The following NSD3 variants were observed in gnomAD, a reference collection of about 807,000 sequenced individuals.
NSD3 encodes the protein nuclear receptor binding SET domain protein 3, also known as histone-lysine N-methyltransferase NSD3.
A neutral mutation model predicts 160.8 loss-of-function variants in NSD3; 24 were observed. The observed-to-expected ratio is 0.15, with a 90% CI of 0.11 to 0.21. The LOEUF (loss-of-function observed/expected upper bound fraction) is 0.21. Among genes scored for constraint, NSD3 ranks in the 10% least tolerant of loss-of-function variants. NSD3 has a pLI of 1.00. For missense variants in NSD3, 1,157 were observed against 1,735.9 expected (o/e 0.67, Z 5.93); for synonymous variants, 520 against 600.0 (o/e 0.87, Z 1.95).
At position 38,299,550 on chromosome 8, in the gene NSD3, T is replaced by G. The variant is rs769090428; in HGVS notation, c.2652A>C (p.Ser884=). Residue 884 remains serine, a synonymous_variant, in exon 15 of 24, where the codon TCA becomes TCC. Transcript: ENST00000317025. ...VQDHSDPMFS[S]YAYKSHYLLN... is the part of the protein sequence containing the mutation. ...GTAGGTAGTGGGACTTATAGGCATA[T>G]GAACTGAACATGGGGTCTGAATGGT... The G allele has an allele frequency of 1.1e-5, 18 of 1,613,492 alleles. No homozygotes were observed. Among genetic ancestry groups the G allele is most frequent in the Non-Finnish European group, 1.5e-5 (18 of 1,179,714 alleles).
chr8:38,314,605 T>C (rs1379974842), intron 12 of NSD3, 42 bp downstream of exon 12: 1 of 1,612,582 alleles, frequency 6.2e-7, no homozygotes, highest in South Asian at 1.1e-5. Flanking sequence ...CCTGGCACAA[T>C]CCCATTCATC....
At chr8:38,299,265 T>C (rs1809227879) in intron 15 of NSD3, among the ~76,000 whole-genome samples, 179 bp downstream of exon 15, 1 of 152,148 alleles carries the variant, frequency 6.6e-6, no homozygotes, top group African/African-American at 2.4e-5. Context: ...ACAATGGAAT[T>C]ATTTTAAGCC....
intron 1 of NSD3, among the ~76,000 whole-genome samples, chr8:38,364,416 T>G (rs1033565330): frequency 6.6e-6 from 1 of 152,200 alleles, no homozygotes; most frequent in African/African-American, 2.4e-5. Flanking sequence ...AGCCATTAGA[T>G]TTTAATTGCT....
intron 1 of NSD3, among the ~76,000 whole-genome samples, chr8:38,366,765 A>G (rs1314833642): frequency 6.6e-6 from 1 of 152,150 alleles, no homozygotes; most frequent in Non-Finnish European, 1.5e-5. Flanking sequence ...TGGGCTAACC[A>G]CACGTAGCTA....
At chr8:38,328,799 C>T (rs527308858) in intron 6 of NSD3, among the ~76,000 whole-genome samples, 1 of 152,270 alleles carries the variant, frequency 6.6e-6, no homozygotes, top group South Asian at 2.1e-4. Context: ...CCAGGACAAA[C>T]TGATGAAGGC....
intron 1 of NSD3, among the ~76,000 whole-genome samples, chr8:38,379,999 G>A (rs1811495598): frequency 6.6e-6 from 1 of 152,172 alleles, no homozygotes; most frequent in East Asian, 1.9e-4. Context: ...AGTTTCCTGA[G>A]AGTCAACTGA....
intron 12 of NSD3, among the ~76,000 whole-genome samples, chr8:38,312,299 A>G (rs1405325432): frequency 4.6e-5 from 7 of 152,090 alleles, no homozygotes; most frequent in Non-Finnish European, 2.9e-5. Context: ...CCCATACTTA[A>G]CTGTTTTTAA....
chr8:38,356,422 G>A (rs1810825448), intron 1 of NSD3, among the ~76,000 whole-genome samples: 1 of 152,002 alleles, frequency 6.6e-6, no homozygotes, highest in African/African-American at 2.4e-5. Flanking sequence ...AACAAAAACA[G>A]GAAAAGAAAT....
intron 2 of NSD3, among the ~76,000 whole-genome samples, chr8:38,342,235 C>G (rs776178653): frequency 6.6e-6 from 1 of 152,080 alleles, no homozygotes; most frequent in Non-Finnish European, 1.5e-5. Context: ...GAGGGAGTAT[C>G]TATTATAAAA....
intron 4 of NSD3, among the ~76,000 whole-genome samples, chr8:38,333,007 A>G (rs1227202270): frequency 1.3e-5 from 2 of 152,184 alleles, no homozygotes; most frequent in African/African-American, 4.8e-5. Flanking sequence ...TCTAATTATA[A>G]TTAGTCAAAG....
chr8:38,294,152 C>T (rs1207366936), intron 16 of NSD3, among the ~76,000 whole-genome samples: 1 of 152,038 alleles, frequency 6.6e-6, no homozygotes, highest in Non-Finnish European at 1.5e-5. Context: ...TGCAGTGGCA[C>T]AATCATGGCT....
chr8:38,302,691 T>C (rs894331077), intron 14 of NSD3, among the ~76,000 whole-genome samples: 1 of 152,234 alleles, frequency 6.6e-6, no homozygotes, highest in African/African-American at 2.4e-5. Flanking sequence ...GAAAATACTA[T>C]ATTTTGTTTC....
Position 38,279,804 on chromosome 8 carries a change from CA to C in NSD3, c.3619-124del, listed in dbSNP as rs772882522. ...AACTGGTGTTTGACAACTGACAGATCAGGAAATGTGAGGCTGCCTGGGTAAT... is the reference window on the plus strand; with the variant it reads ...AACTGGTGTTTGACAACTGACAGATCGGAAATGTGAGGCTGCCTGGGTAAT... On this transcript the variant is annotated intron_variant, in intron 20 of 23. Coordinates refer to ENST00000317025, the MANE Select transcript of NSD3 (RefSeq NM_023034.2). 5.5e-6 allele frequency: 6 copies of C among 1,086,992 alleles called. No individual in the cohort carries two copies. The South Asian group carries it at 6.9e-5, about 12-fold the overall frequency. The allele number at this position is 1,086,992 out of a possible 1,614,324, so 67.3% of individuals were successfully genotyped here. A position where few individuals can be genotyped will look rare whatever the true frequency, so the allele number is the denominator to read the frequency against.
chr8:38,338,761 T>C (rs1233410412), intron 2 of NSD3, among the ~76,000 whole-genome samples, 154 bp from the exon 3 acceptor site: 1 of 152,180 alleles, frequency 6.6e-6, no homozygotes, highest in Non-Finnish European at 1.5e-5. Context: ...AGAATACAAC[T>C]TACTCAATAC....
intron 1 of NSD3, among the ~76,000 whole-genome samples, chr8:38,355,093 T>C (rs58279725): frequency 0.2 from 31,003 of 152,092 alleles, 3,501 homozygotes; most frequent in East Asian, 0.31. Flanking sequence ...GTTAAGACCT[T>C]ACTAGATTAG....
intron 1 of NSD3, among the ~76,000 whole-genome samples, chr8:38,375,183 G>T (rs1811358516): frequency 6.6e-6 from 1 of 152,070 alleles, no homozygotes; most frequent in South Asian, 2.1e-4. Context: ...AACTGAAACA[G>T]TATGAATATT....
chr8:38,357,248 A>G (rs1810848157), intron 1 of NSD3, among the ~76,000 whole-genome samples: 4 of 152,094 alleles, frequency 2.6e-5, no homozygotes, highest in Admixed American at 2.6e-4. Context: ...CTACTCTACA[A>G]ATACATTCCT....
intron 3 of NSD3, 23 bp from the exon 4 acceptor site, chr8:38,337,490 T>G: frequency 6.6e-7 from 1 of 1,525,086 alleles, no homozygotes; most frequent in Non-Finnish European, 8.7e-7. Context: ...GTCAAAAAAC[T>G]TCATCAGAAA....
At chr8:38,292,049 TA>T (rs1381875757) in intron 16 of NSD3, among the ~76,000 whole-genome samples, 1 of 152,206 alleles carries the variant, frequency 6.6e-6, no homozygotes, top group Non-Finnish European at 1.5e-5. Context: ...AGTGTTAAAA[TA>T]AATCAAAGAC....
Sources: allele counts gnomAD v4.1 joint callset (sites outside exome capture counted in the v4.1 genomes callset), GRCh38; gene constraint gnomAD v4.1.1; transcripts MANE v1.5; gene names NCBI Gene and HGNC (gene_info 2026-07-23, HGNC 2026-07-21).